The following UBAC2 variants were observed in gnomAD, a reference collection of about 807,000 sequenced individuals.
UBAC2 encodes the protein UBA domain containing 2.
UBAC2 carries 26 observed loss-of-function variants against 44.0 expected under a neutral mutation model. The ratio of observed to expected loss-of-function variants is 0.59; its 90% CI spans 0.43 to 0.82. The LOEUF (loss-of-function observed/expected upper bound fraction) is 0.82. Among genes scored for constraint, UBAC2 ranks in the 40% least tolerant of loss-of-function variants. UBAC2 has a pLI of 0.00. For missense variants in UBAC2, 329 were observed against 419.4 expected (o/e 0.78, Z 1.88); for synonymous variants, 155 against 154.3 (o/e 1.00, Z -0.04).
At chr13:99,345,783 C>G (rs1258476219) in intron 7 of UBAC2, among the ~76,000 whole-genome samples, 1 of 142,892 alleles carries the variant, frequency 7.0e-6, no homozygotes, top group East Asian at 2.0e-4. Context: ...TGCTCTGTTG[C>G]CCAGGCTGGA....
chr13:99,354,722 C>T (rs1442250954), intron 7 of UBAC2, among the ~76,000 whole-genome samples: 1 of 152,152 alleles, frequency 6.6e-6, no homozygotes, highest in Non-Finnish European at 1.5e-5. Context: ...CAGACTCAGA[C>T]AGGATGCCCG....
chr13:99,232,399 GATAT>G (rs1555321112), intron 1 of UBAC2, among the ~76,000 whole-genome samples: 36 of 109,902 alleles, frequency 3.3e-4, no homozygotes, highest in East Asian at 2.6e-3. Flanking sequence ...TTAGTTGAGA[GATAT>G]AGATATATAT....
At chr13:99,247,201 T>G (rs1220554044) in intron 4 of UBAC2, among the ~76,000 whole-genome samples, 2 of 82,922 alleles carry the variant, frequency 2.4e-5, no homozygotes, top group Non-Finnish European at 6.8e-5. Flanking sequence ...TACTGTTTTT[T>G]TTTTTTTGTT....
intron 8 of UBAC2, among the ~76,000 whole-genome samples, chr13:99,370,486 G>A (rs528507387): frequency 4.1e-4 from 62 of 152,310 alleles, no homozygotes; most frequent in African/African-American, 1.5e-3. Flanking sequence ...CCCTCTGCCT[G>A]TTGTTTTTCC....
intron 7 of UBAC2, among the ~76,000 whole-genome samples, chr13:99,355,590 A>G (rs546049867): frequency 3.3e-5 from 5 of 152,326 alleles, no homozygotes; most frequent in African/African-American, 1.2e-4. Flanking sequence ...TAGCATTCTC[A>G]TTCTCTACCA....
chr13:99,218,224 A>T (rs1194782962), intron 1 of UBAC2, among the ~76,000 whole-genome samples: 1 of 152,218 alleles, frequency 6.6e-6, no homozygotes, highest in Non-Finnish European at 1.5e-5. Flanking sequence ...TAATGTTTGT[A>T]TAAAATCTCC....
rs560517982 is a variant in UBAC2, at chr13:99,237,267, T to TACACAC, written c.32-1159_32-1158insCACACA. 4.9e-3 allele frequency among the ~76,000 whole-genome samples: 583 copies of TACACAC among 118,722 alleles called. 1 individual carries two copies. Among genetic ancestry groups the TACACAC allele is most frequent in the African/African-American group, 0.01 (364 of 35,794 alleles). 77.9% of individuals were successfully genotyped at this position (118,722 alleles called of 152,430 possible). ...AAAATTTTATGCGTATATATATATA[T>TACACAC]ATATACACACACACACACACACACA... On this transcript the variant is annotated intron_variant, in intron 1 of 8. Coordinates refer to ENST00000403766, the MANE Select transcript of UBAC2 (RefSeq NM_001144072.2).
At chr13:99,367,188 C>T (rs1179366372) in intron 7 of UBAC2, among the ~76,000 whole-genome samples, 1 of 152,186 alleles carries the variant, frequency 6.6e-6, no homozygotes, top group African/African-American at 2.4e-5. Context: ...TACTGATGCT[C>T]ACTTCTCACC....
chr13:99,298,035 A>G (rs1402544896), intron 4 of UBAC2, among the ~76,000 whole-genome samples: 1 of 152,162 alleles, frequency 6.6e-6, no homozygotes, highest in Admixed American at 6.5e-5. Flanking sequence ...GTCTACAAAG[A>G]ATATAAAAAT....
intron 4 of UBAC2, among the ~76,000 whole-genome samples, chr13:99,248,363 A>G (rs1031941153): frequency 1.3e-5 from 2 of 150,782 alleles, no homozygotes; most frequent in East Asian, 1.9e-4. Context: ...AGCTGTGACT[A>G]TAGATGTGCC....
intron 4 of UBAC2, among the ~76,000 whole-genome samples, chr13:99,313,859 CA>C: frequency 6.6e-6 from 1 of 152,180 alleles, no homozygotes. Context: ...GGTGCTGAAC[CA>C]CTTCTTTGCA....
chr13:99,243,376 T>A (rs904867862), intron 2 of UBAC2, among the ~76,000 whole-genome samples: 1 of 152,090 alleles, frequency 6.6e-6, no homozygotes, highest in African/African-American at 2.4e-5. Context: ...TTTGCATAGT[T>A]GCTATGAAGT....
At chr13:99,229,989 T>G (rs1156709992) in intron 1 of UBAC2, among the ~76,000 whole-genome samples, 1 of 152,214 alleles carries the variant, frequency 6.6e-6, no homozygotes, top group Non-Finnish European at 1.5e-5. Context: ...TCATACACCT[T>G]TCTGAGTTTG....
intron 5 of UBAC2, 84 bp from the exon 6 acceptor site, chr13:99,317,932 AATGGTC>A: frequency 2.0e-6 from 2 of 1,008,034 alleles, no homozygotes; most frequent in Non-Finnish European, 3.0e-6. Flanking sequence ...ACTTTATATA[AATGGTC>A]ATGACTATAG....
rs2043265532 is a variant in UBAC2, at chr13:99,238,528, C to G, written c.133C>G (p.Leu45Val). 6.2e-7 allele frequency: 1 copy of G among 1,612,168 alleles called. No homozygotes were observed. The highest frequency in any genetic ancestry group is 8.5e-7 in the Non-Finnish European group (1 of 1,178,866). The change falls in exon 2 of 9, where the codon CTT becomes GTT. Residue 45 changes from leucine to valine, a missense_variant. Leu to Val is a conservative substitution (Grantham distance 32). Transcript: ENST00000403766. Reference protein sequence around the residue: ...PHCQKLFVYDLHAVKNDFQIW... With the variant: ...PHCQKLFVYDVHAVKNDFQIW... ...CTGCCAGAAGCTCTTTGTGTATGAC[C>G]TTCACGCAGTCAAGAACGACTTCCA...
At chr13:99,342,490 A>G (rs1386966732) in intron 7 of UBAC2, among the ~76,000 whole-genome samples, 1 of 152,150 alleles carries the variant, frequency 6.6e-6, no homozygotes, top group Non-Finnish European at 1.5e-5. Flanking sequence ...TATCAGGCAC[A>G]CACAGTCTCT....
intron 2 of UBAC2, among the ~76,000 whole-genome samples, chr13:99,243,243 T>TTA (rs2043341539): frequency 1.3e-5 from 2 of 150,208 alleles, no homozygotes; most frequent in African/African-American, 4.9e-5. Context: ...CTTTTTTTTT[T>TTA]TTTTTTTTTT....
At chr13:99,217,948 G>C (rs886468698) in intron 1 of UBAC2, among the ~76,000 whole-genome samples, 3 of 151,924 alleles carry the variant, frequency 2.0e-5, no homozygotes, top group Non-Finnish European at 4.4e-5. Context: ...ACGTTTTCTT[G>C]CCACTAACCA....
intron 7 of UBAC2, among the ~76,000 whole-genome samples, chr13:99,361,399 T>C (rs576425508): frequency 2.0e-5 from 3 of 152,334 alleles, no homozygotes; most frequent in African/African-American, 7.2e-5. Flanking sequence ...AACTTTCTGC[T>C]TTTTAAGCAC....
Sources: allele counts gnomAD v4.1 joint callset (sites outside exome capture counted in the v4.1 genomes callset), GRCh38; gene constraint gnomAD v4.1.1; transcripts MANE v1.5; gene names NCBI Gene and HGNC (gene_info 2026-07-23, HGNC 2026-07-21).